The following GUCY1A1 variants were observed in gnomAD, a reference collection of about 807,000 sequenced individuals.
GUCY1A1 encodes the protein guanylate cyclase soluble subunit alpha-1.
A neutral mutation model predicts 64.5 loss-of-function variants in GUCY1A1; 48 were observed. That is an observed-to-expected ratio of 0.74 (90% CI 0.59 to 0.95). The LOEUF (loss-of-function observed/expected upper bound fraction) is 0.95. Ranked by LOEUF, GUCY1A1 falls within the 40% of genes least tolerant of loss-of-function variation. GUCY1A1 has a pLI of 0.00. For synonymous variants in GUCY1A1, 308 were observed against 303.4 expected, an observed-to-expected ratio of 1.02 and a Z score of -0.16; for missense variants, 804 against 825.3, an observed-to-expected ratio of 0.97 and a Z score of 0.32.
intron 8 of GUCY1A1, 62 bp from the exon 9 acceptor site, chr4:155,721,976 C>A: frequency 8.9e-7 from 1 of 1,128,850 alleles, no homozygotes; most frequent in Non-Finnish European, 1.3e-6. Context: ...ATTCAAACGA[C>A]ACTGACGAGT....
chr4:155,727,082 G>A (rs1051078331), intron 9 of GUCY1A1, among the ~76,000 whole-genome samples: 4 of 151,958 alleles, frequency 2.6e-5, no homozygotes, highest in Non-Finnish European at 5.9e-5. Flanking sequence ...AGTGAATAAA[G>A]GAATATAGGA....
chr4:155,708,260 T>C lies in GUCY1A1; in HGVS notation c.342T>C (p.Phe114=). ...GGAAATCTTTGGAAAGAGAAGACTTTGAAAAAACAATTGCAGAGCAAGCAG... is the reference window on the plus strand; with the variant it reads ...GGAAATCTTTGGAAAGAGAAGACTTCGAAAAAACAATTGCAGAGCAAGCAG... The part of the protein sequence containing the change: ...ESRKSLERED[F]EKTIAEQAVA... Residue 114 remains phenylalanine (F), a synonymous_variant, in exon 5 of 10, where the codon TTT becomes TTC. Coordinates refer to ENST00000506455, the MANE Select transcript of GUCY1A1 (RefSeq NM_001130682.3). The C allele has an allele frequency of 6.4e-7, 1 of 1,551,562 alleles. No individual in the cohort carries two copies. The highest frequency in any genetic ancestry group is 1.7e-5 in the Admixed American group (1 of 59,504).
intron 8 of GUCY1A1, among the ~76,000 whole-genome samples, chr4:155,719,760 G>A (rs557900564): frequency 6.6e-6 from 1 of 152,200 alleles, no homozygotes; most frequent in Admixed American, 6.5e-5. Flanking sequence ...GTCAGTAGGT[G>A]ACAAGTGAAC....
At position 155,704,120 on chromosome 4, in the gene GUCY1A1, A is replaced by G. The variant is rs1731433853; in HGVS notation, c.317+127A>G. 6 of 585,416 alleles carry G rather than the reference A, an allele frequency of 1.0e-5. 1 individual carries two copies. The South Asian group carries it at 1.7e-4, about 16-fold the overall frequency. 36.3% of individuals were successfully genotyped at this position (585,416 alleles called of 1,614,324 possible). ...TTGTGGTATGTCAGAAACTGGACTT[A>G]GTACTTTAGCTGATACTAATTTCAA... On this transcript the variant is annotated intron_variant, in intron 4 of 9. Transcript: ENST00000506455.
intron 2 of GUCY1A1, among the ~76,000 whole-genome samples, chr4:155,692,205 A>C (rs1008640170): frequency 3.3e-5 from 5 of 152,166 alleles, no homozygotes; most frequent in African/African-American, 1.2e-4. Flanking sequence ...TTGATGGGCA[A>C]TTAGGTTGAT....
At position 155,733,688 on chromosome 4, in the gene GUCY1A1, A is replaced by T. The variant is rs201677667; in HGVS notation, c.*3457A>T. Among the ~76,000 whole-genome samples the T allele has an allele frequency of 1.3e-5, 2 of 151,556 alleles. No homozygotes were observed. Among genetic ancestry groups the T allele is most frequent in the East Asian group, 3.9e-4 (2 of 5,118 alleles). On this transcript the variant is annotated 3_prime_UTR_variant, in exon 10 of 10. Transcript: ENST00000506455. ...AAAAGAAAAAAAAAAAAGAAGCAAC[A>T]TGAGTAAAATTAGATCCATTGGCTA...
chr4:155,713,120 T>A lies in GUCY1A1; in HGVS notation c.1109T>A (p.Met370Lys), dbSNP rs1344523929. ...SSRVMDLKGQ[M>K]IYIVESSAIL... ...TAGGTTATGGACCTCAAAGGCCAAA[T>A]GATCTACATTGTTGAATCCAGTGCA... Residue 370 changes from methionine to lysine, a missense_variant, in exon 7 of 10, where the codon ATG (methionine) becomes AAG (lysine). Physicochemically the swap from Met to Lys is moderately conservative, Grantham distance 95. Transcript: ENST00000506455. 6.2e-7 allele frequency: 1 copy of A among 1,611,734 alleles called. No homozygotes were observed. Among genetic ancestry groups the A allele is most frequent in the Non-Finnish European group, 8.5e-7 (1 of 1,178,484 alleles).
intron 9 of GUCY1A1, among the ~76,000 whole-genome samples, chr4:155,727,115 T>C (rs760612382): frequency 6.6e-6 from 1 of 151,956 alleles, no homozygotes; most frequent in Non-Finnish European, 1.5e-5. Context: ...AATTGGAGCA[T>C]TGATGCAGTA....
At chr4:155,693,596 G>A (rs1267554817) in intron 2 of GUCY1A1, among the ~76,000 whole-genome samples, 2 of 152,124 alleles carry the variant, frequency 1.3e-5, no homozygotes, top group South Asian at 2.1e-4. Context: ...GCTTCATAGT[G>A]TAATTTCATC....
chr4:155,728,180 A>T (rs1318229753), intron 9 of GUCY1A1, among the ~76,000 whole-genome samples: 1 of 151,916 alleles, frequency 6.6e-6, no homozygotes, highest in Non-Finnish European at 1.5e-5. Flanking sequence ...ATAAATCTAG[A>T]TTATTCATTT....
intron 8 of GUCY1A1, 97 bp downstream of exon 8, chr4:155,717,399 A>G (rs1733400013): frequency 1.2e-6 from 1 of 846,790 alleles, no homozygotes; most frequent in Non-Finnish European, 1.7e-6. Flanking sequence ...GTTAGTTGAG[A>G]GAGAGAGAGA....
chr4:155,714,692 A>C (rs1349847143), intron 7 of GUCY1A1, among the ~76,000 whole-genome samples: 1 of 152,224 alleles, frequency 6.6e-6, no homozygotes, highest in Non-Finnish European at 1.5e-5. Context: ...AATATTATTC[A>C]TGATAATACA....
intron 2 of GUCY1A1, among the ~76,000 whole-genome samples, chr4:155,671,920 C>T (rs1270759755): frequency 1.3e-5 from 2 of 151,930 alleles, no homozygotes; most frequent in South Asian, 4.2e-4. Context: ...AGTGTGATCC[C>T]CAGAGTTTAA....
chr4:155,711,147 A>G lies in GUCY1A1; in HGVS notation c.982A>G (p.Thr328Ala), dbSNP rs1732517514. Reference protein sequence around the residue: ...PNFEEYFEILTPKINQTFSGI... With the variant: ...PNFEEYFEILAPKINQTFSGI... ...TTTTGAAGAATACTTTGAAATTCTG[A>G]CTCCAAAAATCAACCAGACGTTTAG... The change falls in exon 6 of 10, where the codon ACT becomes GCT. Residue 328 changes from threonine to alanine, a missense_variant. Transcript: ENST00000506455. 6.2e-7 allele frequency: 1 copy of G among 1,613,548 alleles called. No individual in the cohort carries two copies. The highest frequency in any genetic ancestry group is 1.3e-5 in the African/African-American group (1 of 75,046).
At chr4:155,681,662 T>C (rs1003774413) in intron 2 of GUCY1A1, among the ~76,000 whole-genome samples, 9 of 152,186 alleles carry the variant, frequency 5.9e-5, no homozygotes, top group African/African-American at 2.2e-4. Flanking sequence ...ACTTTTCTAA[T>C]TGCTGCTTCT....
At position 155,733,655 on chromosome 4, in the gene GUCY1A1, G is replaced by T. The variant is rs1005699619; in HGVS notation, c.*3424G>T. On this transcript the variant is annotated 3_prime_UTR_variant, in exon 10 of 10. Coordinates refer to ENST00000506455, the MANE Select transcript of GUCY1A1 (RefSeq NM_001130682.3). ...TCACTTGAGGCACTTGTTCAAAATAGATTTTACAAAAGAAAAAAAAAAAAG... is the reference window on the plus strand; with the variant it reads ...TCACTTGAGGCACTTGTTCAAAATATATTTTACAAAAGAAAAAAAAAAAAG... Among the ~76,000 whole-genome samples the T allele has an allele frequency of 2.0e-5, 3 of 148,302 alleles. No individual in the cohort carries two copies. The highest frequency in any genetic ancestry group is 3.0e-5 in the Non-Finnish European group (2 of 67,112).
chr4:155,671,208 A>G (rs1734102910), intron 2 of GUCY1A1, among the ~76,000 whole-genome samples: 1 of 152,196 alleles, frequency 6.6e-6, no homozygotes, highest in South Asian at 2.1e-4. Flanking sequence ...CTCTTCCGTC[A>G]TATAGTTTGT....
intron 9 of GUCY1A1, among the ~76,000 whole-genome samples, chr4:155,727,096 A>G (rs912646360): frequency 6.6e-5 from 10 of 152,018 alleles, no homozygotes; most frequent in Admixed American, 1.3e-4. Context: ...TATAGGAAAG[A>G]TAACAGAGAA....
chr4:155,680,243 C>T, intron 2 of GUCY1A1, among the ~76,000 whole-genome samples: 1 of 152,086 alleles, frequency 6.6e-6, no homozygotes, highest in South Asian at 2.1e-4. Context: ...GTGTAAAAGT[C>T]TTGTAAGCCT....
Sources: allele counts gnomAD v4.1 joint callset (sites outside exome capture counted in the v4.1 genomes callset), GRCh38; gene constraint gnomAD v4.1.1; transcripts MANE v1.5; gene names NCBI Gene and HGNC (gene_info 2026-07-23, HGNC 2026-07-21).